The following PCDHAC1 variants were observed in gnomAD, a reference collection of about 807,000 sequenced individuals.
The protein encoded by PCDHAC1 is protocadherin alpha subfamily C, 1.
A neutral mutation model predicts 60.0 loss-of-function variants in PCDHAC1; 42 were observed. The ratio of observed to expected loss-of-function variants is 0.70; its 90% confidence interval spans 0.55 to 0.90. PCDHAC1 has a LOEUF of 0.90. Among genes scored for constraint, PCDHAC1 ranks in the 40% least tolerant of loss-of-function variants. PCDHAC1 has a pLI of 0.00. For synonymous variants in PCDHAC1, 468 were observed against 499.3 expected (o/e 0.94, Z 0.84); for missense variants, 1,160 against 1,222.3 (o/e 0.95, Z 0.76).
chr5:140,926,951 G>A lies in PCDHAC1; in HGVS notation c.59G>A (p.Gly20Glu). 3.8e-6 allele frequency: 6 copies of A among 1,596,266 alleles called. No individual in the cohort carries two copies. Among genetic ancestry groups the A allele is most frequent in the South Asian group, 1.1e-5 (1 of 89,198 alleles). ...CLWVSCGAAA[G>E]QLEYSVPEET... ...TGGGTTTCCTGCGGCGCTGCAGCGGGACAGCTCGAGTACTCAGTGCCGGAG... is the reference window on the plus strand; with the variant it reads ...TGGGTTTCCTGCGGCGCTGCAGCGGAACAGCTCGAGTACTCAGTGCCGGAG... Residue 20 changes from glycine (G) to glutamate (E), a missense_variant, in exon 1 of 4, where the codon GGA becomes GAA. By Grantham distance (98) the Gly-to-Glu change is moderately conservative. Coordinates refer to ENST00000253807, the MANE Select transcript of PCDHAC1 (RefSeq NM_018898.5).
intron 3 of PCDHAC1, among the ~76,000 whole-genome samples, chr5:140,989,486 A>G (rs1563557204): frequency 6.6e-6 from 1 of 152,190 alleles, no homozygotes; most frequent in African/African-American, 2.4e-5. Context: ...AGGTGCTTGA[A>G]CAAGAAAGAC....
At chr5:140,947,275 T>G (rs246050) in intron 1 of PCDHAC1, among the ~76,000 whole-genome samples, 85,352 of 151,290 alleles carry the variant, frequency 0.56, 24,679 homozygotes, top group African/African-American at 0.69. Context: ...GAAAATACTT[T>G]TTCTTTTTAT....
intron 1 of PCDHAC1, among the ~76,000 whole-genome samples, chr5:140,963,050 G>C (rs2095732681): frequency 2.6e-5 from 4 of 152,030 alleles, no homozygotes; most frequent in Admixed American, 2.6e-4. Flanking sequence ...AGTCTATAAG[G>C]GTTTCTACAT....
intron 1 of PCDHAC1, chr5:140,967,401 G>C: frequency 6.2e-7 from 1 of 1,611,944 alleles, no homozygotes; most frequent in Non-Finnish European, 8.5e-7. Context: ...CTGGTGCTGC[G>C]TAAGGGCCTA....
Position 141,012,278 on chromosome 5 carries a change from G to T in PCDHAC1, c.*2341G>T, listed in dbSNP as rs545417237. ...CTGTAAGGATAAAACACGTCATGTG[G>T]ATTCATTTTGAATTGGTGCTATTGG... On this transcript the variant is annotated 3_prime_UTR_variant, in exon 4 of 4. Coordinates refer to ENST00000253807, the MANE Select transcript of PCDHAC1 (RefSeq NM_018898.5). The T allele has an allele frequency of 6.5e-6, 1 of 153,848 alleles. No individual in the cohort carries two copies. The highest frequency in any genetic ancestry group is 2.1e-4 in the South Asian group (1 of 4,826). The allele number at this position is 153,848 out of a possible 1,614,324, so 9.5% of individuals were successfully genotyped here.
At chr5:140,954,299 C>T (rs964431670) in intron 1 of PCDHAC1, among the ~76,000 whole-genome samples, 2 of 152,166 alleles carry the variant, frequency 1.3e-5, no homozygotes, top group Non-Finnish European at 2.9e-5. Context: ...GGTACATACC[C>T]AGTAATGGGA....
At chr5:141,004,100 ATCT>A (rs1241437793) in intron 3 of PCDHAC1, among the ~76,000 whole-genome samples, 4 of 152,204 alleles carry the variant, frequency 2.6e-5, no homozygotes, top group Non-Finnish European at 5.9e-5. Context: ...TTCCGTTTTC[ATCT>A]TCTTCAAAAG....
intron 3 of PCDHAC1, among the ~76,000 whole-genome samples, chr5:141,000,842 G>A (rs2097967739): frequency 1.3e-5 from 2 of 151,954 alleles, no homozygotes; most frequent in Non-Finnish European, 2.9e-5. Flanking sequence ...AGGAGATCCA[G>A]TCTGGCAGTC....
intron 1 of PCDHAC1, chr5:140,968,527 G>A (rs782634339): frequency 9.3e-6 from 15 of 1,614,142 alleles, no homozygotes; most frequent in Middle Eastern, 1.6e-4. Flanking sequence ...CAACCAACTC[G>A]TCAGCAGCCT....
chr5:141,009,942 C>T lies in PCDHAC1; in HGVS notation c.*5C>T, dbSNP rs782819309. The T allele has an allele frequency of 6.3e-7, 1 of 1,597,438 alleles. No individual in the cohort carries two copies. The highest frequency in any genetic ancestry group is 1.1e-5 in the South Asian group (1 of 87,840). ...ACTGACAACAGTGACCAGTGAGGTCCTCAAATGGAAACAAGCCACTTAGCC... is the reference window on the plus strand; with the variant it reads ...ACTGACAACAGTGACCAGTGAGGTCTTCAAATGGAAACAAGCCACTTAGCC... On this transcript the variant is annotated 3_prime_UTR_variant, in exon 4 of 4. Coordinates refer to ENST00000253807, the MANE Select transcript of PCDHAC1 (RefSeq NM_018898.5).
intron 3 of PCDHAC1, among the ~76,000 whole-genome samples, chr5:140,995,476 A>G (rs2097685199): frequency 6.6e-6 from 1 of 152,210 alleles, no homozygotes; most frequent in Non-Finnish European, 1.5e-5. Flanking sequence ...TTTTTCATTT[A>G]ATATTTTCAG....
intron 1 of PCDHAC1, among the ~76,000 whole-genome samples, chr5:140,950,022 A>T (rs1355491628): frequency 6.6e-6 from 1 of 151,918 alleles, no homozygotes; most frequent in Non-Finnish European, 1.5e-5. Context: ...CCTTCATAAA[A>T]TATAGAAAAG....
intron 3 of PCDHAC1, among the ~76,000 whole-genome samples, chr5:140,999,252 T>C (rs1474093411): frequency 1.3e-5 from 2 of 152,204 alleles, no homozygotes; most frequent in African/African-American, 4.8e-5. Flanking sequence ...GGGAGTTGGA[T>C]TAGTAAAGGA....
Position 140,968,052 on chromosome 5 carries a change from G to A in PCDHAC1, c.2434-10897G>A, listed in dbSNP as rs990784546. ...CTGGTGGTGAGCGGCCCACTGGACC[G>A]AGAGCGGGTGGCTGTCTACAACATC... On this transcript the variant is annotated intron_variant, in intron 1 of 3. Transcript: ENST00000253807. The A allele has an allele frequency of 5.0e-6, 8 of 1,614,014 alleles. No homozygotes were observed. In the Admixed American group the frequency reaches 5.0e-5, roughly 10 times the overall value.
At chr5:140,985,739 CTTTTTTTTTT>C (rs11372071) in intron 3 of PCDHAC1, among the ~76,000 whole-genome samples, 1 of 117,922 alleles carries the variant, frequency 8.5e-6, no homozygotes, top group African/African-American at 3.2e-5. Context: ...TGATGAATTC[CTTTTTTTTTT>C]TTTTTTTTTT....
intron 3 of PCDHAC1, among the ~76,000 whole-genome samples, chr5:140,993,418 C>A (rs59434300): frequency 6.6e-5 from 10 of 151,302 alleles, no homozygotes; most frequent in Non-Finnish European, 1.5e-4. Context: ...ATCAGCATTT[C>A]TCTTTTAAAA....
chr5:141,010,802 G>A lies in PCDHAC1; in HGVS notation c.*865G>A, dbSNP rs1323558356. On this transcript the variant is annotated 3_prime_UTR_variant, in exon 4 of 4. Coordinates refer to ENST00000253807, the MANE Select transcript of PCDHAC1 (RefSeq NM_018898.5). ...TTATGCAAAAGCAAAAGAAAACCCC[G>A]ACACCTCACCTTTCGCTGTTTGTTG... 6.5e-6 allele frequency: 1 copy of A among 153,554 alleles called. No homozygotes were observed. The highest frequency in any genetic ancestry group is 1.5e-5 in the Non-Finnish European group (1 of 68,024). The allele number at this position is 153,554 out of a possible 1,614,324, so 9.5% of individuals were successfully genotyped here. A position where few individuals can be genotyped will look rare whatever the true frequency, so the allele number is the denominator to read the frequency against.
chr5:140,946,092 G>A (rs985293430), intron 1 of PCDHAC1, among the ~76,000 whole-genome samples: 2 of 151,914 alleles, frequency 1.3e-5, no homozygotes, highest in Non-Finnish European at 2.9e-5. Flanking sequence ...CTGATAAGGA[G>A]TTAACATACC....
chr5:140,947,668 T>A (rs2094160892), intron 1 of PCDHAC1, among the ~76,000 whole-genome samples: 1 of 151,602 alleles, frequency 6.6e-6, no homozygotes, highest in Admixed American at 6.6e-5. Flanking sequence ...TACTTGGGTC[T>A]TTAAAAAATT....
Sources: allele counts gnomAD v4.1 joint callset (sites outside exome capture counted in the v4.1 genomes callset), GRCh38; gene constraint gnomAD v4.1.1; transcripts MANE v1.5; gene names NCBI Gene and HGNC (gene_info 2026-07-23, HGNC 2026-07-21).